The following TMEM178B variants were observed in gnomAD, a reference collection of about 807,000 sequenced individuals.
TMEM178B encodes transmembrane protein 178B.
TMEM178B carries 5 observed loss-of-function variants against 31.0 expected under a neutral mutation model. That is an observed-to-expected ratio of 0.16 (90% CI 0.08 to 0.34). The LOEUF (loss-of-function observed/expected upper bound fraction) is 0.34, where lower values mean the gene tolerates loss of function less well. Among genes scored for constraint, TMEM178B ranks in the 10% least tolerant of loss-of-function variants. TMEM178B has a pLI of 1.00. For missense variants in TMEM178B, 275 were observed against 400.3 expected, an observed-to-expected ratio of 0.69 and a Z score of 2.67; for synonymous variants, 164 against 164.0, an observed-to-expected ratio of 1.00 and a Z score of 0.00.
At chr7:141,428,118 T>A (rs1801353608) in intron 2 of TMEM178B, among the ~76,000 whole-genome samples, 1 of 151,762 alleles carries the variant, frequency 6.6e-6, no homozygotes, top group African/African-American at 2.4e-5. Context: ...TAATAATTGG[T>A]CATAGCTGGT....
At chr7:141,140,256 AAG>A (rs1315461747) in intron 1 of TMEM178B, among the ~76,000 whole-genome samples, 5 of 152,156 alleles carry the variant, frequency 3.3e-5, no homozygotes, top group African/African-American at 1.2e-4. Flanking sequence ...ACTGTTTCCG[AAG>A]ATCTGAACTT....
chr7:141,290,103 C>T (rs1192632982), intron 2 of TMEM178B, among the ~76,000 whole-genome samples: 1 of 152,246 alleles, frequency 6.6e-6, no homozygotes, highest in Non-Finnish European at 1.5e-5. Context: ...ACTCATTCTG[C>T]AGACTGTCTT....
intron 1 of TMEM178B, among the ~76,000 whole-genome samples, chr7:141,209,987 A>G (rs970380317): frequency 1.3e-5 from 2 of 152,030 alleles, no homozygotes; most frequent in Non-Finnish European, 2.9e-5. Flanking sequence ...GTAAGAGGCC[A>G]ACAGAGGGCC....
At chr7:141,433,869 T>C (rs552309531) in intron 2 of TMEM178B, among the ~76,000 whole-genome samples, 49 of 152,320 alleles carry the variant, frequency 3.2e-4, no homozygotes, top group African/African-American at 1.2e-3. Context: ...CAGGGTGATG[T>C]GAAAATCTTT....
chr7:141,493,396 C>G, the TMEM178B span, among the ~76,000 whole-genome samples: 1 of 152,190 alleles, frequency 6.6e-6, no homozygotes, highest in Non-Finnish European at 1.5e-5. Context: ...CCTCTTCAAA[C>G]CTTGAGGACT....
intron 2 of TMEM178B, among the ~76,000 whole-genome samples, chr7:141,259,364 T>C (rs1797978946): frequency 6.6e-6 from 1 of 152,204 alleles, no homozygotes; most frequent in Admixed American, 6.5e-5. Context: ...TTAAATATGG[T>C]TTCCTTTAAT....
At chr7:141,123,637 G>A (rs1348591746) in intron 1 of TMEM178B, among the ~76,000 whole-genome samples, 4 of 152,174 alleles carry the variant, frequency 2.6e-5, no homozygotes, top group Non-Finnish European at 5.9e-5. Flanking sequence ...GGTAGTGGGG[G>A]AGCTAGAGAT....
At chr7:141,439,120 G>A (rs1801609813) in intron 3 of TMEM178B, among the ~76,000 whole-genome samples, 2 of 152,040 alleles carry the variant, frequency 1.3e-5, no homozygotes, top group African/African-American at 4.8e-5. Context: ...CTAGGTGTAT[G>A]GAGTGATCTT....
At chr7:141,405,034 T>C (rs1563173240) in intron 2 of TMEM178B, among the ~76,000 whole-genome samples, 2 of 152,240 alleles carry the variant, frequency 1.3e-5, no homozygotes, top group Non-Finnish European at 2.9e-5. Context: ...CTCTCTCTCC[T>C]ACATCAGCAC....
intron 2 of TMEM178B, among the ~76,000 whole-genome samples, chr7:141,358,279 G>A (rs952838429): frequency 6.6e-6 from 1 of 152,074 alleles, no homozygotes; most frequent in African/African-American, 2.4e-5. Flanking sequence ...GCATTGCCTT[G>A]CTATTTAAAG....
At chr7:141,238,403 C>T (rs898151331) in intron 2 of TMEM178B, among the ~76,000 whole-genome samples, 3 of 152,184 alleles carry the variant, frequency 2.0e-5, no homozygotes, top group Non-Finnish European at 2.9e-5. Context: ...TGTTGTATAT[C>T]CTCCCTGGGT....
At position 141,347,719 on chromosome 7, in the gene TMEM178B, C is replaced by T. The variant is rs117043796; in HGVS notation, c.497-89889C>T. On this transcript the variant is annotated intron_variant, in intron 2 of 3. Transcript: ENST00000565468. ...CTTACTCTCCACATCTCCCCCACCC[C>T]CCGTCTGCCTTCTCTGTCTCCTCAT... 1.2e-4 allele frequency among the ~76,000 whole-genome samples: 18 copies of T among 152,144 alleles called. 1 individual carries two copies. In the East Asian group the frequency reaches 3.5e-3, roughly 29 times the overall value.
chr7:141,491,803 A>G, the TMEM178B span, among the ~76,000 whole-genome samples: 20 of 152,156 alleles, frequency 1.3e-4, no homozygotes, highest in Non-Finnish European at 2.6e-4. Context: ...AAACAAGCAA[A>G]ACATAAAAGC....
intron 2 of TMEM178B, among the ~76,000 whole-genome samples, chr7:141,399,893 C>T (rs572318725): frequency 3.9e-5 from 6 of 152,128 alleles, no homozygotes; most frequent in Admixed American, 2.0e-4. Flanking sequence ...CCCTTTCTTC[C>T]TTCCTATATT....
In TMEM178B at chr7:141,216,462, CGT is replaced by C. The variant is rs1371225205; in HGVS notation, c.496+3770_496+3771del. Among the ~76,000 whole-genome samples the C allele has an allele frequency of 1.0e-3, 96 of 95,024 alleles. 4 individuals carry two copies. Among genetic ancestry groups the C allele is most frequent in the Admixed American group, 2.7e-3 (26 of 9,628 alleles). 62.3% of individuals were successfully genotyped at this position (95,024 alleles called of 152,430 possible). A position where few individuals can be genotyped will look rare whatever the true frequency, so the allele number is the denominator to read the frequency against. On this transcript the variant is annotated intron_variant, in intron 2 of 3. Coordinates refer to ENST00000565468, the MANE Select transcript of TMEM178B (RefSeq NM_001195278.2). ...GTGTGTGTGTGTGCGCGCGCGCGCGCGTGTGTGTGTGTGGGTGTGTGGTGGGG... is the reference window on the plus strand; with the variant it reads ...GTGTGTGTGTGTGCGCGCGCGCGCGCGTGTGTGTGTGGGTGTGTGGTGGGG...
intron 1 of TMEM178B, among the ~76,000 whole-genome samples, chr7:141,096,697 C>T (rs965388029): frequency 5.3e-5 from 8 of 152,162 alleles, no homozygotes; most frequent in African/African-American, 1.9e-4. Flanking sequence ...TAATAAACTA[C>T]AAAATGTAAG....
At chr7:141,214,358 G>A (rs1797097941) in intron 2 of TMEM178B, among the ~76,000 whole-genome samples, 1 of 152,198 alleles carries the variant, frequency 6.6e-6, no homozygotes, top group African/African-American at 2.4e-5. Context: ...TTTTGTGCCA[G>A]TGAATACCGA....
rs1432937972 is a variant in TMEM178B at position 141,138,332 on chromosome 7, A to G, written c.382+63640A>G. 2.6e-5 allele frequency among the ~76,000 whole-genome samples: 4 copies of G among 152,202 alleles called. No individual in the cohort carries two copies. In the East Asian group the frequency reaches 5.8e-4, roughly 22 times the overall value. ...CATCTCGGCCTCCCAAAGTGCTGGGATTACAGGCATGAGCCACTGCGCCCG... is the reference window on the plus strand; with the variant it reads ...CATCTCGGCCTCCCAAAGTGCTGGGGTTACAGGCATGAGCCACTGCGCCCG... On this transcript the variant is annotated intron_variant, in intron 1 of 3. Transcript: ENST00000565468.
chr7:141,153,839 C>CA (rs1347131507), intron 1 of TMEM178B, among the ~76,000 whole-genome samples: 1 of 152,064 alleles, frequency 6.6e-6, no homozygotes, highest in South Asian at 2.1e-4. Context: ...TTCCATTTAT[C>CA]ATGTACTTTC....
Sources: allele counts gnomAD v4.1 joint callset (sites outside exome capture counted in the v4.1 genomes callset), GRCh38; gene constraint gnomAD v4.1.1; transcripts MANE v1.5; gene names NCBI Gene and HGNC (gene_info 2026-07-23, HGNC 2026-07-21).